SLC15A2: variants seen among roughly 807,000 people sequenced by gnomAD.
The protein encoded by SLC15A2 is solute carrier family 15 member 2.
In SLC15A2, 77 loss-of-function variants were observed where a neutral mutation model predicts 95.5. That is an observed-to-expected ratio of 0.81 (90% CI 0.67 to 0.97). The LOEUF is 0.97. Ranked by LOEUF, SLC15A2 falls within the 50% of genes least tolerant of loss-of-function variation. SLC15A2 has a pLI of 0.00. For missense variants in SLC15A2, 893 were observed against 874.4 expected (o/e 1.02, Z -0.27); for synonymous variants, 306 against 306.9 (o/e 1.00, Z 0.03).
chr3:121,904,034 G>T (rs1485537703), intron 3 of SLC15A2, among the ~76,000 whole-genome samples: 1 of 152,150 alleles, frequency 6.6e-6, no homozygotes, highest in Non-Finnish European at 1.5e-5. Flanking sequence ...ATTGAGCAAT[G>T]GTTTGTAGTT....
chr3:121,934,436 C>T (rs1348638242), intron 19 of SLC15A2, among the ~76,000 whole-genome samples: 1 of 150,808 alleles, frequency 6.6e-6, no homozygotes, highest in African/African-American at 2.4e-5. Context: ...TCTTTTATTT[C>T]CTTGAGCAGT....
chr3:121,898,965 A>G (rs1274944244), intron 3 of SLC15A2, among the ~76,000 whole-genome samples: 1 of 152,216 alleles, frequency 6.6e-6, no homozygotes, highest in Non-Finnish European at 1.5e-5. Flanking sequence ...AGTAGCTGAG[A>G]TCTACATTTG....
intron 7 of SLC15A2, 148 bp downstream of exon 7, chr3:121,915,841 T>C: frequency 1.8e-6 from 1 of 557,566 alleles, no homozygotes; most frequent in Non-Finnish European, 3.2e-6. Flanking sequence ...CCCTCAATTT[T>C]GGAGGTAAAT....
chr3:121,905,852 T>C (rs896392112), intron 3 of SLC15A2, among the ~76,000 whole-genome samples: 1 of 152,162 alleles, frequency 6.6e-6, no homozygotes, highest in Non-Finnish European at 1.5e-5. Context: ...GTTCTGTAGA[T>C]GTTTATTAGG....
At chr3:121,924,440 C>T (rs1201708749) in intron 12 of SLC15A2, 57 bp downstream of exon 12, 6 of 1,406,826 alleles carry the variant, frequency 4.3e-6, no homozygotes, top group Non-Finnish European at 6.0e-6. Context: ...TATGCCTCCA[C>T]CTGCAGTATT....
At chr3:121,928,395 T>C (rs1357712285) in intron 14 of SLC15A2, 26 bp from the exon 15 acceptor site, 1 of 1,608,768 alleles carries the variant, frequency 6.2e-7, no homozygotes, top group East Asian at 2.2e-5. Flanking sequence ...TTGTTGGTGA[T>C]TCTGACATGT....
Position 121,913,442 on chromosome 3 carries a change from G to T in SLC15A2, c.528+322G>T, listed in dbSNP as rs1709815112. Among the ~76,000 whole-genome samples the T allele has an allele frequency of 2.6e-5, 4 of 152,328 alleles. No individual in the cohort carries two copies. The South Asian group carries it at 6.2e-4, about 24-fold the overall frequency. On this transcript the variant is annotated intron_variant, in intron 5 of 21. Transcript: ENST00000489711. ...TGGAAGGATGTCAGTGATTAAACCT[G>T]AGACCAATGAGTGAAAGCCTCCAAG...
intron 3 of SLC15A2, among the ~76,000 whole-genome samples, chr3:121,903,626 G>A (rs1392576063): frequency 2.0e-5 from 3 of 152,076 alleles, no homozygotes; most frequent in Non-Finnish European, 2.9e-5. Flanking sequence ...CCCATTGCTT[G>A]TTTTTGTCAG....
At chr3:121,917,042 G>A (rs1238345301) in intron 7 of SLC15A2, among the ~76,000 whole-genome samples, 5 of 152,052 alleles carry the variant, frequency 3.3e-5, no homozygotes, top group East Asian at 3.9e-4. Context: ...GGATGGTCTC[G>A]ATCTCCTGAC....
At position 121,938,535 on chromosome 3, in the gene SLC15A2, C is replaced by A. The variant is rs188951929; in HGVS notation, c.1762-814C>A. On this transcript the variant is annotated intron_variant, in intron 19 of 21. Coordinates refer to ENST00000489711, the MANE Select transcript of SLC15A2 (RefSeq NM_021082.4). The stretch of plus-strand genomic sequence containing the variant: ...GGGAGTGACCCGATTTTCCAGGTGC[C>A]GTCTGTCACCCCTTTCTTTGACTAG... 1.1e-3 allele frequency among the ~76,000 whole-genome samples: 160 copies of A among 152,280 alleles called. 1 individual carries two copies. Among genetic ancestry groups the A allele is most frequent in the African/African-American group, 3.2e-3 (132 of 41,560 alleles).
rs1198713622 is a variant in SLC15A2, at chr3:121,923,070, A to C, written c.898A>C (p.Thr300Pro). 1.2e-5 allele frequency: 19 copies of C among 1,613,948 alleles called. No individual in the cohort carries two copies. Among genetic ancestry groups the C allele is most frequent in the Non-Finnish European group, 1.6e-5 (19 of 1,179,926 alleles). Residue 300 changes from threonine (T) to proline (P), a missense_variant, in exon 10 of 22, where the codon ACC (threonine) becomes CCC (proline). Thr to Pro is a conservative substitution (Grantham distance 38). Transcript: ENST00000489711. ...GCTCATTATGGATGTAAAGGCACTG[A>C]CCAGGGTACTATTCCTTTATATCCC... ...KQLIMDVKAL[T>P]RVLFLYIPLP...
chr3:121,940,582 C>T, intron 21 of SLC15A2, 94 bp downstream of exon 21: 1 of 1,062,410 alleles, frequency 9.4e-7, no homozygotes, highest in South Asian at 1.3e-5. Flanking sequence ...TTCCCACATT[C>T]CCCATTCAGT....
At chr3:121,937,593 C>T (rs1203277154) in intron 19 of SLC15A2, among the ~76,000 whole-genome samples, 8 of 151,598 alleles carry the variant, frequency 5.3e-5, no homozygotes, top group South Asian at 2.1e-4. Context: ...ACGTAGTTCT[C>T]GAGCCTTGGT....
chr3:121,923,953 C>T (rs1279499348), intron 11 of SLC15A2, among the ~76,000 whole-genome samples: 1 of 152,162 alleles, frequency 6.6e-6, no homozygotes, highest in East Asian at 1.9e-4. Context: ...CTTGTTGACC[C>T]TCTGGAGAAC....
intron 19 of SLC15A2, among the ~76,000 whole-genome samples, chr3:121,938,323 C>G (rs1373120906): frequency 6.6e-6 from 1 of 152,262 alleles, no homozygotes; most frequent in South Asian, 2.1e-4. Context: ...GCTTTGTTTA[C>G]CTAAGCAAGC....
At chr3:121,898,450 T>C (rs1709462616) in intron 3 of SLC15A2, among the ~76,000 whole-genome samples, 1 of 152,206 alleles carries the variant, frequency 6.6e-6, no homozygotes, top group South Asian at 2.1e-4. Context: ...TTGTCCCCTA[T>C]AACATTAAAC....
intron 19 of SLC15A2, among the ~76,000 whole-genome samples, chr3:121,933,708 A>G (rs1166367955): frequency 6.6e-6 from 1 of 151,990 alleles, no homozygotes; most frequent in Non-Finnish European, 1.5e-5. Flanking sequence ...CCCATTTTTT[A>G]GGTTGCCTAT....
Position 121,911,575 on chromosome 3 carries a change from A to T in SLC15A2, c.337A>T (p.Thr113Ser), listed in dbSNP as rs536388645. The T allele has an allele frequency of 2.5e-6, 4 of 1,612,222 alleles. No individual in the cohort carries two copies. In the South Asian group the frequency reaches 3.3e-5, roughly 13 times the overall value. Residue 113 changes from threonine to serine, a missense_variant and splice_region_variant, in exon 4 of 22, where the codon ACA (threonine) becomes TCA (serine). Physicochemically the swap from Thr to Ser is moderately conservative, Grantham distance 58. Transcript: ENST00000489711. ...IADSWLGKFK[T>S]IIYLSLVYVL... is the part of the protein sequence containing the mutation. ...TGACTGATTTAGCTCTCTCAACAGG[A>T]CAATCATCTATCTCTCCTTGGTGTA...
chr3:121,895,296 G>A (rs1275519339), intron 1 of SLC15A2: 1 of 152,152 alleles, frequency 6.6e-6, no homozygotes, highest in Non-Finnish European at 1.5e-5. Context: ...CACAGCCAGT[G>A]GCAGTGTTGC....
Sources: gnomAD v4.1 joint callset for allele counts (sites outside exome capture counted in the v4.1 genomes callset) on GRCh38, gnomAD v4.1.1 for gene constraint, MANE v1.5 for transcripts, NCBI Gene and HGNC (gene_info 2026-07-23, HGNC 2026-07-21) for gene names.